Variants in TJP3 observed in about 807,000 individuals in gnomAD.
TJP3 encodes the protein tight junction protein 3.
TJP3 carries 85 observed loss-of-function variants against 104.2 expected under a neutral mutation model. The observed-to-expected ratio is 0.82, with a 90% CI of 0.68 to 0.98. The LOEUF is 0.98. Ranked by LOEUF, TJP3 falls within the 50% of genes least tolerant of loss-of-function variation. TJP3 has a pLI of 0.00. For synonymous variants in TJP3, 550 were observed against 550.6 expected (o/e 1.00, Z 0.02); for missense variants, 1,367 against 1,322.8 (o/e 1.03, Z -0.52).
At chr19:3,721,784 C>A in intron 1 of TJP3, 1 of 541,792 alleles carries the variant, frequency 1.8e-6, no homozygotes, top group Non-Finnish European at 2.8e-6. Context: ...GCCCGGCCCT[C>A]AGCCCGCTGT....
chr19:3,712,935 G>T (rs1208467819), intron 1 of TJP3, among the ~76,000 whole-genome samples: 1 of 140,688 alleles, frequency 7.1e-6, no homozygotes. Flanking sequence ...AGGTGACAGA[G>T]CAAGACTCTG....
chr19:3,710,951 T>C (rs1166292785), intron 1 of TJP3, among the ~76,000 whole-genome samples: 1 of 152,098 alleles, frequency 6.6e-6, no homozygotes, highest in Non-Finnish European at 1.5e-5. Flanking sequence ...TCGCCCAGGC[T>C]GGAGTGCGGT....
intron 1 of TJP3, among the ~76,000 whole-genome samples, chr19:3,725,737 G>C (rs2036589908): frequency 6.7e-6 from 1 of 149,848 alleles, no homozygotes; most frequent in East Asian, 2.0e-4. Context: ...GTCATTATTT[G>C]GCCACCACCT....
At position 3,739,033 on chromosome 19, in the gene TJP3, C is replaced by T. The variant is rs368582048; in HGVS notation, c.1530C>T (p.Pro510=). Residue 510 remains proline, a synonymous_variant, in exon 13 of 21, where the codon CCC becomes CCT. Transcript: ENST00000541714. ...TCCACGTGCTGGACACGCTGCACCCCGGCCCCGGGCAGAGCCACGCACGAG... is the reference window on the plus strand; with the variant it reads ...TCCACGTGCTGGACACGCTGCACCCTGGCCCCGGGCAGAGCCACGCACGAG... ...DVFHVLDTLH[P]GPGQSHARGG... 140 of 1,611,686 alleles carry T rather than the reference C, an allele frequency of 8.7e-5. 1 individual carries two copies. The highest frequency in any genetic ancestry group is 6.5e-4 in the African/African-American group (49 of 75,042).
At chr19:3,743,317 G>A (rs2036846918) in intron 14 of TJP3, among the ~76,000 whole-genome samples, 1 of 152,102 alleles carries the variant, frequency 6.6e-6, no homozygotes, top group South Asian at 2.1e-4. Flanking sequence ...GAAGGATTAA[G>A]TTGCAAAGAC....
At chr19:3,716,784 T>TATATATATATATAC (rs1555736675) in intron 1 of TJP3, among the ~76,000 whole-genome samples, 5 of 68,092 alleles carry the variant, frequency 7.3e-5, no homozygotes, top group African/African-American at 2.4e-4. Flanking sequence ...CTCATACATA[T>TATATATATATATAC]ATATATATAT....
rs570893781 is a variant in TJP3 at position 3,709,857 on chromosome 19, G to A, written c.-10+1296G>A. On this transcript the variant is annotated intron_variant, in intron 1 of 20. Coordinates refer to ENST00000541714, the MANE Select transcript of TJP3 (RefSeq NM_001267560.2). The stretch of plus-strand genomic sequence containing the variant: ...CCTCTGTTTCCTGCTCTGTAAAATG[G>A]GGATATTGAGGGCCGGGCGCGGTGG... Among the ~76,000 whole-genome samples, 3 of 152,164 alleles carry A rather than the reference G, an allele frequency of 2.0e-5. No homozygotes were observed. In the East Asian group the frequency reaches 5.8e-4, roughly 30 times the overall value.
intron 1 of TJP3, among the ~76,000 whole-genome samples, chr19:3,715,847 C>T (rs539053162): frequency 1.3e-5 from 2 of 152,154 alleles, no homozygotes; most frequent in South Asian, 2.1e-4. Flanking sequence ...GGCGCAATCT[C>T]GGCTCACTAC....
In TJP3 at chr19:3,746,870, A is replaced by G. The variant is rs115202978; in HGVS notation, c.2316A>G (p.Glu772=). The G allele has an allele frequency of 3.6e-3, 5,392 of 1,509,948 alleles. 172 individuals carry two copies. The African/African-American group carries it at 0.067, about 19-fold the overall frequency. 93.5% of individuals were successfully genotyped at this position (1,509,948 alleles called of 1,614,324 possible). A position where few individuals can be genotyped will look rare whatever the true frequency, so the allele number is the denominator to read the frequency against. Residue 772 remains glutamate, a synonymous_variant, in exon 18 of 21, where the codon GAA becomes GAG. Coordinates refer to ENST00000541714, the MANE Select transcript of TJP3 (RefSeq NM_001267560.2). The surrounding 1 kb of genome is among the most constrained non-coding windows in gnomAD (Gnocchi z 4.1). Reference sequence around the variant, plus strand: ...AGACGCGGCCCATCTGGACGGCGGAAGATCAGGTACTGCCGCGGTGTGGGT... The same window carrying G: ...AGACGCGGCCCATCTGGACGGCGGAGGATCAGGTACTGCCGCGGTGTGGGT... ...EQQTRPIWTA[E]DQLDGSLEDN... is the part of the protein sequence containing the mutation.
Position 3,716,801 on chromosome 19 carries a change from A to ATATTT in TJP3, c.-10+8241_-10+8242insATTTT, listed in dbSNP as rs1421328174. Reference sequence around the variant, plus strand: ...CATACATATATATATATATATATATATTTTTTTTTTTTTTTTGAAACAGAG... The same window carrying ATATTT: ...CATACATATATATATATATATATATATATTTTTTTTTTTTTTTTTTTGAAACAGAG... On this transcript the variant is annotated intron_variant, in intron 1 of 20. Coordinates refer to ENST00000541714, the MANE Select transcript of TJP3 (RefSeq NM_001267560.2). Among the ~76,000 whole-genome samples, 182 of 81,926 alleles carry ATATTT rather than the reference A, an allele frequency of 2.2e-3. 4 individuals are homozygous for ATATTT. The highest frequency in any genetic ancestry group is 8.5e-3 in the African/African-American group (173 of 20,414). The allele number at this position is 81,926 out of a possible 152,430, so 53.7% of individuals were successfully genotyped here. A position where few individuals can be genotyped will look rare whatever the true frequency, so the allele number is the denominator to read the frequency against.
chr19:3,718,309 C>A (rs1258397127), intron 1 of TJP3, among the ~76,000 whole-genome samples: 1 of 147,220 alleles, frequency 6.8e-6, no homozygotes, highest in African/African-American at 2.5e-5. Context: ...CTGGTCTCTC[C>A]TGGCCTCAAG....
intron 3 of TJP3, among the ~76,000 whole-genome samples, chr19:3,729,661 A>G (rs1248948204): frequency 6.6e-6 from 1 of 151,946 alleles, no homozygotes; most frequent in Non-Finnish European, 1.5e-5. Flanking sequence ...GGGCACCTGT[A>G]GTCCCAGCTA....
intron 19 of TJP3, among the ~76,000 whole-genome samples, chr19:3,748,567 CTTTTT>C (rs754151380): frequency 4.6e-5 from 5 of 107,900 alleles, no homozygotes; most frequent in Admixed American, 2.0e-4. Context: ...TGCACCCAGG[CTTTTT>C]TTTTTTTTTT....
chr19:3,719,182 T>TG (rs1012003488), intron 1 of TJP3, among the ~76,000 whole-genome samples: 1 of 151,682 alleles, frequency 6.6e-6, no homozygotes, highest in Non-Finnish European at 1.5e-5. Context: ...GTGTCCGTCT[T>TG]GGGGGGTGGT....
chr19:3,725,706 A>AG (rs1362722877), intron 1 of TJP3, among the ~76,000 whole-genome samples: 1 of 151,756 alleles, frequency 6.6e-6, no homozygotes, highest in Non-Finnish European at 1.5e-5. Flanking sequence ...AAAAAAAAAA[A>AG]AAAAACTACA....
chr19:3,718,630 A>C (rs1317922716), intron 1 of TJP3, among the ~76,000 whole-genome samples: 1 of 151,302 alleles, frequency 6.6e-6, no homozygotes, highest in Admixed American at 6.6e-5. Flanking sequence ...CACCACGCCC[A>C]GCTAATTTTT....
Position 3,747,935 on chromosome 19 carries a change from T to G in TJP3, c.2464T>G (p.Tyr822Asp), listed in dbSNP as rs754144840. 1 of 1,613,054 alleles carries G rather than the reference T, an allele frequency of 6.2e-7. No homozygotes were observed. Among genetic ancestry groups the G allele is most frequent in the Admixed American group, 1.7e-5 (1 of 59,996 alleles). The change falls in exon 19 of 21, where the codon TAC becomes GAC. Residue 822 changes from tyrosine (Y) to aspartate (D), a missense_variant. Transcript: ENST00000541714. ...EGGAYTDGEG[Y>D]TDGEGGPYTD... is the part of the protein sequence containing the mutation. The stretch of plus-strand genomic sequence containing the variant: ...CGGCGCGTACACGGATGGCGAGGGC[T>G]ACACAGACGGCGAGGGGGGGCCCTA...
At chr19:3,726,336 G>A (rs556910964) in intron 1 of TJP3, among the ~76,000 whole-genome samples, 125 of 152,328 alleles carry the variant, frequency 8.2e-4, no homozygotes, top group Non-Finnish European at 1.2e-3. Context: ...GGAGGCTCAC[G>A]CCTGTAATCC....
chr19:3,739,935 G>A (rs1437611903), intron 13 of TJP3, among the ~76,000 whole-genome samples: 1 of 151,936 alleles, frequency 6.6e-6, no homozygotes, highest in South Asian at 2.1e-4. Flanking sequence ...AATAGCATCA[G>A]TTTAATCCCA....
Sources: allele counts gnomAD v4.1 joint callset (sites outside exome capture counted in the v4.1 genomes callset), GRCh38; gene constraint gnomAD v4.1.1; non-coding constraint Gnocchi (gnomAD v3.1); transcripts MANE v1.5; gene names NCBI Gene and HGNC (gene_info 2026-07-23, HGNC 2026-07-21).